RAB31: variants seen among roughly 807,000 people sequenced by gnomAD.
RAB31 encodes the protein RAB31, member RAS oncogene family.
Under a neutral mutation model 25.6 loss-of-function variants are expected in RAB31, and 21 were observed. That is an observed-to-expected ratio of 0.82 (90% CI 0.58 to 1.18). The LOEUF is 1.18. RAB31 is among the 50% of genes most tolerant of loss of function. The pLI, the probability that RAB31 is intolerant of heterozygous loss-of-function variation, is 0.00. For synonymous variants in RAB31, 87 were observed against 84.0 expected (o/e 1.04, Z -0.20); for missense variants, 196 against 250.1 (o/e 0.78, Z 1.46).
chr18:9,854,449 G>A (rs756462622), intron 6 of RAB31, among the ~76,000 whole-genome samples: 37 of 152,184 alleles, frequency 2.4e-4, no homozygotes, highest in Middle Eastern at 3.4e-3. Flanking sequence ...CCTCCAGGCA[G>A]TTGTCACCTC....
chr18:9,750,407 A>G (rs1425170861), intron 1 of RAB31, among the ~76,000 whole-genome samples: 2 of 152,206 alleles, frequency 1.3e-5, no homozygotes, highest in East Asian at 1.9e-4. Flanking sequence ...AGAAAAGGAC[A>G]TTCGTCTAGA....
intron 1 of RAB31, among the ~76,000 whole-genome samples, chr18:9,750,938 G>A (rs1483523517): frequency 6.6e-6 from 1 of 152,122 alleles, no homozygotes; most frequent in African/African-American, 2.4e-5. Context: ...AGACCAAAGG[G>A]TCCAGATGGA....
intron 5 of RAB31, among the ~76,000 whole-genome samples, chr18:9,828,652 G>A (rs1239094215): frequency 6.6e-6 from 1 of 152,110 alleles, no homozygotes; most frequent in Non-Finnish European, 1.5e-5. Flanking sequence ...AATTTACATT[G>A]CTTTCATCTC....
At chr18:9,825,987 G>A (rs1214344570) in intron 5 of RAB31, among the ~76,000 whole-genome samples, 1 of 152,144 alleles carries the variant, frequency 6.6e-6, no homozygotes, top group Non-Finnish European at 1.5e-5. Context: ...TGCTCAGTAC[G>A]TGGGTGACAG....
intron 1 of RAB31, among the ~76,000 whole-genome samples, chr18:9,737,281 C>G (rs2145469433): frequency 6.6e-6 from 1 of 152,284 alleles, no homozygotes; most frequent in East Asian, 1.9e-4. Flanking sequence ...TTCACCCCAG[C>G]CATGCCTCTG....
rs143610920 is a variant in RAB31, at chr18:9,838,361, A to C, written c.381-7221A>C. ...CCAAAACCCATAGTCAAGACGCCTG[A>C]GTGTACTCAGGCAGACTGGTGTGGA... On this transcript the variant is annotated intron_variant, in intron 5 of 6. Transcript: ENST00000578921. 6.1e-4 allele frequency among the ~76,000 whole-genome samples: 93 copies of C among 152,304 alleles called. 1 individual carries two copies. The East Asian group carries it at 0.017, about 28-fold the overall frequency.
intron 6 of RAB31, among the ~76,000 whole-genome samples, chr18:9,854,835 G>A (rs532140938): frequency 2.0e-4 from 31 of 152,244 alleles, no homozygotes; most frequent in African/African-American, 7.5e-4. Flanking sequence ...TATCAAGAGT[G>A]AATACTGCCA....
At chr18:9,757,593 C>T (rs191228155) in intron 1 of RAB31, among the ~76,000 whole-genome samples, 1 of 152,138 alleles carries the variant, frequency 6.6e-6, no homozygotes, top group African/African-American at 2.4e-5. Flanking sequence ...CTAGCTTTAG[C>T]CACGTTGAAC....
At chr18:9,717,696 AAG>A (rs1220251479) in intron 1 of RAB31, among the ~76,000 whole-genome samples, 1 of 151,772 alleles carries the variant, frequency 6.6e-6, no homozygotes, top group Non-Finnish European at 1.5e-5. Context: ...GAGAAGAAGA[AAG>A]ACAGAGAGAC....
intron 1 of RAB31, among the ~76,000 whole-genome samples, chr18:9,711,206 A>G (rs746017342): frequency 2.6e-5 from 4 of 151,984 alleles, no homozygotes; most frequent in Non-Finnish European, 5.9e-5. Flanking sequence ...TTGTTTTGAG[A>G]CAAGGTCACA....
chr18:9,775,190 T>C (rs754335177), intron 1 of RAB31, 88 bp from the exon 2 acceptor site: 19 of 1,592,428 alleles, frequency 1.2e-5, no homozygotes, highest in Admixed American at 5.3e-5. Context: ...GCCAGTCGTG[T>C]CCTCTGGTAA....
intron 5 of RAB31, among the ~76,000 whole-genome samples, chr18:9,845,105 T>A (rs948604237): frequency 6.6e-6 from 1 of 152,252 alleles, no homozygotes; most frequent in Non-Finnish European, 1.5e-5. Flanking sequence ...CCATGGTCGG[T>A]ATAACCATGC....
intron 1 of RAB31, among the ~76,000 whole-genome samples, chr18:9,768,768 G>C (rs982372968): frequency 1.3e-5 from 2 of 152,134 alleles, no homozygotes; most frequent in African/African-American, 4.8e-5. Context: ...TGAAGTCTTT[G>C]CCCATGCCTA....
intron 5 of RAB31, among the ~76,000 whole-genome samples, chr18:9,842,918 T>C (rs1004228429): frequency 9.2e-5 from 14 of 152,216 alleles, no homozygotes; most frequent in African/African-American, 3.4e-4. Context: ...TATCTTCCCA[T>C]CTCCATATTT....
chr18:9,775,813 G>C (rs1391385007), intron 2 of RAB31, among the ~76,000 whole-genome samples: 2 of 152,032 alleles, frequency 1.3e-5, no homozygotes, highest in Admixed American at 1.3e-4. Flanking sequence ...TCTTGAGACT[G>C]AGTGTTGCTC....
At chr18:9,728,373 G>A (rs1373505537) in intron 1 of RAB31, among the ~76,000 whole-genome samples, 2 of 152,074 alleles carry the variant, frequency 1.3e-5, no homozygotes, top group Non-Finnish European at 2.9e-5. Flanking sequence ...TGTATTTGTG[G>A]GATTTTCTAG....
intron 5 of RAB31, among the ~76,000 whole-genome samples, chr18:9,818,362 A>G (rs2068609555): frequency 6.6e-6 from 1 of 151,988 alleles, no homozygotes; most frequent in Non-Finnish European, 1.5e-5. Context: ...GCCCATTTAT[A>G]CTCGCTCTCA....
At chr18:9,850,312 A>C (rs563825795) in intron 6 of RAB31, among the ~76,000 whole-genome samples, 3 of 152,152 alleles carry the variant, frequency 2.0e-5, no homozygotes, top group South Asian at 4.2e-4. Context: ...ATTTTTAGAG[A>C]TGAGGTCTCG....
intron 1 of RAB31, among the ~76,000 whole-genome samples, chr18:9,753,166 A>G (rs920450373): frequency 4.6e-5 from 7 of 152,204 alleles, no homozygotes; most frequent in African/African-American, 1.7e-4. Flanking sequence ...GAATGGCTTT[A>G]TTTGTGATAC....
Sources: gnomAD v4.1 joint callset for allele counts (sites outside exome capture counted in the v4.1 genomes callset) on GRCh38, gnomAD v4.1.1 for gene constraint, MANE v1.5 for transcripts, NCBI Gene and HGNC (gene_info 2026-07-23, HGNC 2026-07-21) for gene names.